Variants in KDM4C observed in about 807,000 individuals in gnomAD.
The protein encoded by KDM4C is lysine demethylase 4C.
KDM4C carries 81 observed loss-of-function variants against 129.3 expected under a neutral mutation model. The observed-to-expected ratio is 0.63, with a 90% CI of 0.52 to 0.75. The LOEUF (loss-of-function observed/expected upper bound fraction) is 0.75. Ranked by LOEUF, KDM4C falls within the 30% of genes least tolerant of loss-of-function variation. KDM4C has a pLI of 0.00. For synonymous variants in KDM4C, 573 were observed against 456.1 expected (o/e 1.26, Z -3.26); for missense variants, 1,457 against 1,304.0 (o/e 1.12, Z -1.81).
At chr9:6,736,061 C>T (rs572887240) in intron 1 of KDM4C, among the ~76,000 whole-genome samples, 1 of 152,118 alleles carries the variant, frequency 6.6e-6, no homozygotes, top group Non-Finnish European at 1.5e-5. Context: ...GCATTTTACC[C>T]CTGCCCTAGA....
intron 4 of KDM4C, among the ~76,000 whole-genome samples, chr9:6,833,770 C>T (rs1371168569): frequency 3.9e-5 from 6 of 152,142 alleles, no homozygotes; most frequent in Non-Finnish European, 4.4e-5. Flanking sequence ...CAGGCCTTAA[C>T]GAGATAGTTA....
At chr9:7,031,130 G>GTTTGTTTGTTTGTTTATTTA (rs376556912) in intron 15 of KDM4C, among the ~76,000 whole-genome samples, 8 of 141,252 alleles carry the variant, frequency 5.7e-5, no homozygotes, top group East Asian at 4.1e-4. Flanking sequence ...TATTTTACTT[G>GTTTGTTTGTTTGTTTATTTA]TTTATTTATT....
chr9:7,164,689 G>A (rs1177176863), intron 19 of KDM4C, among the ~76,000 whole-genome samples: 1 of 152,120 alleles, frequency 6.6e-6, no homozygotes, highest in South Asian at 2.1e-4. Flanking sequence ...TTTGTCCCCT[G>A]CTCCACTTCC....
At chr9:7,076,977 A>T in intron 17 of KDM4C, 1 of 985,678 alleles carries the variant, frequency 1.0e-6, no homozygotes, top group Non-Finnish European at 1.2e-6. Context: ...AGAGGCTTGA[A>T]TCTAAGAGAA....
intron 1 of KDM4C, among the ~76,000 whole-genome samples, chr9:6,742,891 A>G (rs1207859693): frequency 6.6e-6 from 1 of 152,010 alleles, no homozygotes; most frequent in Non-Finnish European, 1.5e-5. Flanking sequence ...GGGGAGACCC[A>G]TGGGGTCTCA....
At chr9:6,926,925 C>T (rs879632531) in intron 8 of KDM4C, among the ~76,000 whole-genome samples, 2 of 152,042 alleles carry the variant, frequency 1.3e-5, no homozygotes, top group Admixed American at 1.3e-4. Context: ...TTGGTAGATG[C>T]AATTAAATGT....
At chr9:6,823,945 A>G (rs1247231467) in intron 4 of KDM4C, among the ~76,000 whole-genome samples, 1 of 152,184 alleles carries the variant, frequency 6.6e-6, no homozygotes, top group East Asian at 1.9e-4. Context: ...ACTCATACTG[A>G]TGGGAAGATG....
At chr9:6,850,974 C>T (rs1322623113) in intron 5 of KDM4C, among the ~76,000 whole-genome samples, 6 of 151,664 alleles carry the variant, frequency 4.0e-5, no homozygotes, top group East Asian at 1.9e-4. Context: ...AGGCTGGTCT[C>T]GAACTCTTGA....
chr9:7,166,279 A>G (rs1338269969), intron 20 of KDM4C, among the ~76,000 whole-genome samples: 1 of 152,240 alleles, frequency 6.6e-6, no homozygotes, highest in African/African-American at 2.4e-5. Flanking sequence ...ATAAGGAGCA[A>G]GAGCTTAAAT....
chr9:7,165,830 T>G (rs373185279), intron 20 of KDM4C, among the ~76,000 whole-genome samples: 4 of 152,198 alleles, frequency 2.6e-5, no homozygotes, highest in African/African-American at 9.7e-5. Flanking sequence ...CCAGTTAATG[T>G]CACAAGGAGC....
intron 2 of KDM4C, among the ~76,000 whole-genome samples, chr9:6,801,110 GTTTC>G (rs1168288477): frequency 1.3e-5 from 2 of 151,968 alleles, no homozygotes; most frequent in East Asian, 1.9e-4. Context: ...CTGACCCCAA[GTTTC>G]TTTATCTGAT....
At chr9:6,756,006 A>G (rs150670076), upstream of KDM4C, among the ~76,000 whole-genome samples, 244 of 152,334 alleles carry the variant, frequency 1.6e-3, 1 homozygote, top group Middle Eastern at 0.01. Flanking sequence ...AAAAAAAGTC[A>G]TACTCTAATT....
At chr9:6,982,486 C>T (rs933050894) in intron 9 of KDM4C, 7 of 152,192 alleles carry the variant, frequency 4.6e-5, no homozygotes, top group Admixed American at 4.6e-4. Flanking sequence ...AATATTCACT[C>T]ATGACATGTG....
At chr9:7,116,181 C>T (rs138094051) in intron 18 of KDM4C, among the ~76,000 whole-genome samples, 2 of 152,144 alleles carry the variant, frequency 1.3e-5, no homozygotes, top group African/African-American at 4.8e-5. Flanking sequence ...TTCTTCTTTG[C>T]AAGCATCAGA....
At chr9:6,914,549 T>G (rs758739928) in intron 8 of KDM4C, among the ~76,000 whole-genome samples, 2 of 152,222 alleles carry the variant, frequency 1.3e-5, no homozygotes, top group South Asian at 2.1e-4. Context: ...TTAAAAAACA[T>G]TAGCATTGTT....
At chr9:6,748,233 CGT>C (rs1817948452) in intron 1 of KDM4C, among the ~76,000 whole-genome samples, 1 of 151,176 alleles carries the variant, frequency 6.6e-6, no homozygotes, top group Non-Finnish European at 1.5e-5. Flanking sequence ...ATTGGCTGGG[CGT>C]GGTGGCTCAC....
intron 15 of KDM4C, among the ~76,000 whole-genome samples, chr9:7,018,467 A>T (rs1037502507): frequency 5.9e-5 from 9 of 151,554 alleles, no homozygotes; most frequent in African/African-American, 2.2e-4. Flanking sequence ...TCAAGCTCTT[A>T]TTTATTATAT....
At chr9:7,158,373 G>A (rs200005842) in intron 19 of KDM4C, among the ~76,000 whole-genome samples, 2 of 151,056 alleles carry the variant, frequency 1.3e-5, no homozygotes, top group African/African-American at 2.4e-5. Context: ...TTCTGCTCTG[G>A]TCTTAGTTAT....
At chr9:7,045,611 G>C (rs995705736) in intron 15 of KDM4C, among the ~76,000 whole-genome samples, 1 of 151,998 alleles carries the variant, frequency 6.6e-6, no homozygotes, top group Non-Finnish European at 1.5e-5. Context: ...TATGGATAGA[G>C]AAAATTCTTC....
Sources: gnomAD v4.1 joint callset for allele counts (sites outside exome capture counted in the v4.1 genomes callset) on GRCh38, gnomAD v4.1.1 for gene constraint, MANE v1.5 for transcripts, NCBI Gene and HGNC (gene_info 2026-07-23, HGNC 2026-07-21) for gene names.